Variants in LRP1 observed in about 807,000 individuals in gnomAD.
LRP1 encodes the protein LDL receptor related protein 1, also known as prolow-density lipoprotein receptor-related protein 1.
In LRP1, 51 loss-of-function variants were observed where a neutral mutation model predicts 541.5. The ratio of observed to expected loss-of-function variants is 0.09; its 90% CI spans 0.08 to 0.12. The LOEUF (loss-of-function observed/expected upper bound fraction) is 0.12, where lower values mean the gene tolerates loss of function less well. Ranked by LOEUF, LRP1 falls within the 10% of genes least tolerant of loss-of-function variation. The probability of loss-of-function intolerance (pLI) is 1.00; values close to 1 mark genes in which losing one functional copy is unlikely to be tolerated. For synonymous variants in LRP1, 2,219 were observed against 2,470.8 expected, an observed-to-expected ratio of 0.90 and a Z score of 3.02; for missense variants, 3,878 against 6,376.2, an observed-to-expected ratio of 0.61 and a Z score of 13.34.
rs968387204 is a variant in LRP1, at chr12:57,160,008, G to A, written c.1979+3G>A. 7 of 1,613,618 alleles carry A rather than the reference G, an allele frequency of 4.3e-6. No homozygotes were observed. The highest frequency in any genetic ancestry group is 5.9e-6 in the Non-Finnish European group (7 of 1,179,800). The stretch of plus-strand genomic sequence containing the variant: ...ATTGTGGTGGATCCACTCAATGGGT[G>A]AGTCCTCCCAGGCCTTGGGGTGGGA... On this transcript the variant is annotated splice_donor_region_variant and intron_variant, in intron 12 of 88. Coordinates refer to ENST00000243077, the MANE Select transcript of LRP1 (RefSeq NM_002332.3).
Position 57,197,128 on chromosome 12 carries a change from C to T in LRP1, c.9039C>T (p.Pro3013=), listed in dbSNP as rs371447155. 2.9e-5 allele frequency: 46 copies of T among 1,613,900 alleles called. No individual in the cohort carries two copies. The highest frequency in any genetic ancestry group is 1.0e-4 in the Admixed American group (6 of 60,000). The part of the protein sequence containing the change: ...YKCLCVEGYA[P]RGGDPHSCKA... The stretch of plus-strand genomic sequence containing the variant: ...GTCTGTGTGTGGAGGGCTATGCACC[C>T]CGCGGCGGCGACCCCCACAGCTGCA... Residue 3013 remains proline (P), a synonymous_variant, in exon 56 of 89, where the codon CCC becomes CCT. Transcript: ENST00000243077. The surrounding 1 kb of genome is among the most constrained non-coding windows in gnomAD (Gnocchi z 4.5).
chr12:57,194,154 C>T, intron 48 of LRP1, 142 bp downstream of exon 48: 1 of 994,006 alleles, frequency 1.0e-6, no homozygotes, highest in Admixed American at 2.2e-5. Flanking sequence ...CCCTGAGGCC[C>T]TGTCCCCATC....
In LRP1 at chr12:57,209,836, TG is replaced by T; in HGVS notation, c.12409del (p.Val4137SerfsTer11). The T allele has an allele frequency of 6.2e-7, 1 of 1,614,156 alleles. No individual in the cohort carries two copies. Among genetic ancestry groups the T allele is most frequent in the Non-Finnish European group, 8.5e-7 (1 of 1,180,028 alleles). On this transcript the variant is annotated frameshift_variant, in exon 80 of 89. Coordinates refer to ENST00000243077, the MANE Select transcript of LRP1 (RefSeq NM_002332.3). LOFTEE classifies it high-confidence loss of function. ...LTGGLSHASD[V>X]VLYHQHKQPE... ...GGGGGCCTGAGCCACGCCTCTGACG[TG>T]GTCCTTTACCATCAGCACAAGCAGC...
chr12:57,144,939 G>T, intron 4 of LRP1, 33 bp from the exon 5 acceptor site: 1 of 1,608,160 alleles, frequency 6.2e-7, no homozygotes. Flanking sequence ...TGTCACACTG[G>T]AAATGACCAC....
At chr12:57,187,544 AG>A (rs1427413508) in intron 42 of LRP1, 88 bp downstream of exon 42, 16 of 1,313,092 alleles carry the variant, frequency 1.2e-5, no homozygotes, top group Non-Finnish European at 1.6e-5. Context: ...GCGGGGGTGC[AG>A]GAGAGGCAGG....
At chr12:57,139,904 T>C (rs903377275) in intron 2 of LRP1, among the ~76,000 whole-genome samples, 2 of 152,142 alleles carry the variant, frequency 1.3e-5, no homozygotes, top group African/African-American at 4.8e-5. Flanking sequence ...ACACTCTCAC[T>C]ACCTACCGCT....
At position 57,149,709 on chromosome 12, in the gene LRP1, G is replaced by C. The variant is rs375834328; in HGVS notation, c.841+4219G>C. The C allele has an allele frequency of 6.8e-6, 5 of 736,132 alleles. No individual in the cohort carries two copies. The South Asian group carries it at 7.2e-5, about 11-fold the overall frequency. 45.6% of individuals were successfully genotyped at this position (736,132 alleles called of 1,614,324 possible). On this transcript the variant is annotated intron_variant, in intron 6 of 88. Coordinates refer to ENST00000243077, the MANE Select transcript of LRP1 (RefSeq NM_002332.3). The stretch of plus-strand genomic sequence containing the variant: ...GAGCAGGAAGAGAGCCCAGGAGAAC[G>C]AGGTGACACAACACGGCTAAGCTCC...
At chr12:57,187,807 C>G (rs2036299249) in intron 42 of LRP1, among the ~76,000 whole-genome samples, 2 of 152,172 alleles carry the variant, frequency 1.3e-5, no homozygotes, top group South Asian at 4.1e-4. Context: ...GTTTGTCGAA[C>G]CCTTCGTACA....
chr12:57,191,223 T>C, intron 43 of LRP1, 97 bp from the exon 44 acceptor site: 1 of 1,290,044 alleles, frequency 7.8e-7, no homozygotes, highest in Non-Finnish European at 1.1e-6. Flanking sequence ...CGGGCCCTCA[T>C]TCTGTAGCTG....
At chr12:57,180,632 C>A in intron 32 of LRP1, 35 bp from the exon 33 acceptor site, 1 of 1,613,056 alleles carries the variant, frequency 6.2e-7, no homozygotes, top group Non-Finnish European at 8.5e-7. Context: ...GGTGTGGGGC[C>A]TTCCCAAGGG....
rs1177406563 is a variant in LRP1, at chr12:57,193,903, A to G, written c.7809A>G (p.Thr2603=). 9 of 1,613,958 alleles carry G rather than the reference A, an allele frequency of 5.6e-6. No individual in the cohort carries two copies. Among genetic ancestry groups the G allele is most frequent in the Non-Finnish European group, 7.6e-6 (9 of 1,179,938 alleles). ...ACGGGGCGGGCACTGTTCTAGAGAC[A>G]GCCTGTGGTGTGGGCGAGTTCCGCT... The part of the protein sequence containing the change: ...DGSDEIPCNK[T]ACGVGEFRCR... The change falls in exon 48 of 89, where the codon ACA becomes ACG. Residue 2603 remains threonine (T), a synonymous_variant. Coordinates refer to ENST00000243077, the MANE Select transcript of LRP1 (RefSeq NM_002332.3).
intron 22 of LRP1, among the ~76,000 whole-genome samples, chr12:57,174,642 GCA>G (rs1245266620): frequency 6.6e-6 from 1 of 152,186 alleles, no homozygotes; most frequent in Non-Finnish European, 1.5e-5. Context: ...GGACATGTCT[GCA>G]GTCCCAGCTA....
At chr12:57,199,146 G>A in intron 60 of LRP1, 66 bp from the exon 61 acceptor site, 1 of 1,487,196 alleles carries the variant, frequency 6.7e-7, no homozygotes, top group Admixed American at 1.7e-5. Context: ...TTGAGGAGGT[G>A]GAGTGGGCCG....
At chr12:57,135,510 T>C (rs922963) in intron 1 of LRP1, among the ~76,000 whole-genome samples, 1 of 152,188 alleles carries the variant, frequency 6.6e-6, no homozygotes, top group Non-Finnish European at 1.5e-5. Flanking sequence ...GTTTCTTTCT[T>C]CCCTCTCCCC....
chr12:57,177,858 T>C lies in LRP1; in HGVS notation c.4361+267T>C, dbSNP rs1044685731. ...CTCTCCACTCACCTGTCCTCTCCAC[T>C]CTGTTCCCTCTGCTGGGGCTGTGTC... On this transcript the variant is annotated intron_variant, in intron 26 of 88. Coordinates refer to ENST00000243077, the MANE Select transcript of LRP1 (RefSeq NM_002332.3). The surrounding 1 kb of genome is among the most constrained non-coding windows in gnomAD (Gnocchi z 6.8). Among the ~76,000 whole-genome samples the C allele has an allele frequency of 1.3e-5, 2 of 152,030 alleles. No homozygotes were observed. Among genetic ancestry groups the C allele is most frequent in the Admixed American group, 1.3e-4 (2 of 15,276 alleles).
chr12:57,145,521 G>A (rs775814530), intron 6 of LRP1, 31 bp downstream of exon 6: 1 of 1,603,166 alleles, frequency 6.2e-7, no homozygotes, highest in Non-Finnish European at 8.5e-7. Context: ...TTGGAGGGCT[G>A]GGGAGGGTAG....
rs2034977018 is a variant in LRP1, at chr12:57,128,984, T to G, written c.20T>G (p.Leu7Arg). 6 of 1,551,164 alleles carry G rather than the reference T, an allele frequency of 3.9e-6. No homozygotes were observed. The highest frequency in any genetic ancestry group is 5.2e-6 in the Non-Finnish European group (6 of 1,146,670). Residue 7 changes from leucine (L) to arginine (R), a missense_variant, in exon 1 of 89, where the codon CTC becomes CGC. Coordinates refer to ENST00000243077, the MANE Select transcript of LRP1 (RefSeq NM_002332.3). MLTPPL[L>R]LLLPLLSALV... ...CACACCATGCTGACCCCGCCGTTGC[T>G]CCTGCTGCTGCCCCTGCTCTCAGCT...
rs776486941 is a variant in LRP1, at chr12:57,141,527, C to T, written c.328+16C>T. ...CACTGCCGAGGTAAGGACTTTTCCA[C>T]TCTCTACTCTCCCGTCTGGATGCAG... is the stretch of plus-strand genomic sequence containing the variant. On this transcript the variant is annotated intron_variant, in intron 3 of 88. Transcript: ENST00000243077. 2.1e-5 allele frequency: 34 copies of T among 1,614,036 alleles called. No homozygotes were observed. The highest frequency in any genetic ancestry group is 1.6e-4 in the Middle Eastern group (1 of 6,080).
In LRP1 at chr12:57,181,402, G is replaced by A. The variant is rs557310257; in HGVS notation, c.5662+111G>A. 36 of 1,341,760 alleles carry A rather than the reference G, an allele frequency of 2.7e-5. 1 individual carries two copies. The South Asian group carries it at 4.3e-4, about 16-fold the overall frequency. The allele number at this position is 1,341,760 out of a possible 1,614,324, so 83.1% of individuals were successfully genotyped here. On this transcript the variant is annotated intron_variant, in intron 34 of 88. Transcript: ENST00000243077. ...CCTTGGGGACAAGACTACATTCGTC[G>A]TGTAGGGGACACTGGACTATGAAGT...
Sources: allele counts gnomAD v4.1 joint callset (sites outside exome capture counted in the v4.1 genomes callset), GRCh38; gene constraint gnomAD v4.1.1; non-coding constraint Gnocchi (gnomAD v3.1); transcripts MANE v1.5; gene names NCBI Gene and HGNC (gene_info 2026-07-23, HGNC 2026-07-21).